WDR7: variants seen among roughly 807,000 people sequenced by gnomAD.
WDR7 encodes the protein WD repeat domain 7.
Under a neutral mutation model 169.4 loss-of-function variants are expected in WDR7, and 46 were observed. The ratio of observed to expected loss-of-function variants is 0.27; its 90% CI spans 0.21 to 0.35. The LOEUF (loss-of-function observed/expected upper bound fraction) is 0.35. WDR7 is among the 10% of genes least tolerant of loss of function. The pLI, the probability that WDR7 is intolerant of heterozygous loss-of-function variation, is 1.00. For synonymous variants in WDR7, 612 were observed against 666.8 expected (o/e 0.92, Z 1.27); for missense variants, 1,534 against 1,859.3 (o/e 0.83, Z 3.22).
At chr18:56,688,670 A>T (rs1458859185) in intron 7 of WDR7, among the ~76,000 whole-genome samples, 1 of 151,812 alleles carries the variant, frequency 6.6e-6, no homozygotes, top group Non-Finnish European at 1.5e-5. Flanking sequence ...CAGAGGTTGC[A>T]GTGAGCCGAG....
intron 25 of WDR7, among the ~76,000 whole-genome samples, chr18:56,959,987 A>T (rs904867795): frequency 6.6e-6 from 1 of 152,154 alleles, no homozygotes; most frequent in Non-Finnish European, 1.5e-5. Context: ...CTGCGTACAT[A>T]CCACTGATTT....
At chr18:56,727,460 A>G (rs1371610798) in intron 13 of WDR7, among the ~76,000 whole-genome samples, 2 of 152,084 alleles carry the variant, frequency 1.3e-5, no homozygotes, top group African/African-American at 4.8e-5. Context: ...ACAGTTCCGC[A>G]TGGTTGGGGA....
intron 20 of WDR7, among the ~76,000 whole-genome samples, chr18:56,843,857 C>CTTTTTTTTTTTTTTT (rs776575088): frequency 3.0e-5 from 4 of 134,328 alleles, no homozygotes; most frequent in Non-Finnish European, 1.6e-5. Flanking sequence ...TTTTTTCTTT[C>CTTTTTTTTTTTTTTT]TTTTTTTTTT....
chr18:56,901,603 C>G (rs2046403014), intron 21 of WDR7, among the ~76,000 whole-genome samples: 1 of 152,176 alleles, frequency 6.6e-6, no homozygotes, highest in South Asian at 2.1e-4. Flanking sequence ...AATTAATGAT[C>G]TGTTAACAAG....
intron 25 of WDR7, among the ~76,000 whole-genome samples, chr18:56,940,405 A>C (rs1363736048): frequency 6.6e-6 from 1 of 152,126 alleles, no homozygotes. Context: ...TTTATTTTGC[A>C]GTTTCTGATT....
chr18:56,895,958 T>G (rs1568253801), intron 21 of WDR7, among the ~76,000 whole-genome samples: 1 of 151,850 alleles, frequency 6.6e-6, no homozygotes, highest in Non-Finnish European at 1.5e-5. Flanking sequence ...ATATATGATT[T>G]ATTTTGTTTT....
chr18:56,781,584 C>G lies in WDR7; in HGVS notation c.3118C>G (p.Gln1040Glu), dbSNP rs1199777035. The stretch of plus-strand genomic sequence containing the variant: ...TCTGGCGGAACTGAGAAGAATTGAG[C>G]AGGCAGGCAGGAAGGAAGCCATTGA... The part of the protein sequence containing the change: ...LLLAELRRIE[Q>E]AGRKEAIDAW... Residue 1040 changes from glutamine to glutamate, a missense_variant, in exon 19 of 28, where the codon CAG becomes GAG. Coordinates refer to ENST00000254442, the MANE Select transcript of WDR7 (RefSeq NM_015285.3). 1 of 1,609,210 alleles carries G rather than the reference C, an allele frequency of 6.2e-7. No homozygotes were observed. The highest frequency in any genetic ancestry group is 8.5e-7 in the Non-Finnish European group (1 of 1,176,460).
chr18:56,980,216 C>G (rs2145827988), intron 26 of WDR7, among the ~76,000 whole-genome samples: 1 of 152,270 alleles, frequency 6.6e-6, no homozygotes, highest in Middle Eastern at 3.4e-3. Context: ...TTTGGGAATT[C>G]TGAGCTATCC....
At chr18:56,812,832 C>A (rs995500049) in intron 19 of WDR7, among the ~76,000 whole-genome samples, 1 of 152,026 alleles carries the variant, frequency 6.6e-6, no homozygotes, top group Non-Finnish European at 1.5e-5. Flanking sequence ...CATTGAGTGC[C>A]GATTTTTCCC....
chr18:56,779,524 G>A lies in WDR7; in HGVS notation c.3041G>A (p.Arg1014Gln), dbSNP rs758629275. ...FRPPLLEMLA[R>Q]RWQDRCLEVR... ...CCTCCCCTTCTGGAGATGCTGGCCC[G>A]AAGATGGCAAGATCGATGCTTGGAG... Residue 1014 changes from arginine (R) to glutamine (Q), a missense_variant, in exon 18 of 28, where the codon CGA becomes CAA. By Grantham distance (43) the Arg-to-Gln change is conservative (BLOSUM62 1). Transcript: ENST00000254442. 1.1e-5 allele frequency: 18 copies of A among 1,613,708 alleles called. No homozygotes were observed. The highest frequency in any genetic ancestry group is 1.0e-4 in the Admixed American group (6 of 59,964).
intron 25 of WDR7, among the ~76,000 whole-genome samples, chr18:56,942,269 TGGCGA>T: frequency 6.6e-6 from 1 of 152,036 alleles, no homozygotes; most frequent in Non-Finnish European, 1.5e-5. Flanking sequence ...TGACACAAAA[TGGCGA>T]GGTGTTCTTT....
At chr18:56,814,737 G>A (rs55662171) in intron 19 of WDR7, among the ~76,000 whole-genome samples, 8,775 of 151,590 alleles carry the variant, frequency 0.058, 322 homozygotes, top group Non-Finnish European at 0.08. Context: ...AAACCCCCAC[G>A]ACGTGCAATT....
intron 12 of WDR7, among the ~76,000 whole-genome samples, chr18:56,710,231 C>T (rs1225948345): frequency 2.0e-5 from 3 of 151,836 alleles, no homozygotes; most frequent in Non-Finnish European, 4.4e-5. Context: ...TCTTGATTTC[C>T]TGACCTTGTG....
chr18:56,831,181 T>A (rs1217343212), intron 20 of WDR7, among the ~76,000 whole-genome samples: 1 of 151,674 alleles, frequency 6.6e-6, no homozygotes, highest in Non-Finnish European at 1.5e-5. Flanking sequence ...TCAGAAAGAG[T>A]CAAATCCTGG....
intron 20 of WDR7, among the ~76,000 whole-genome samples, chr18:56,849,750 TAAAAC>T (rs367809400): frequency 0.011 from 1,625 of 152,202 alleles, 30 homozygotes; most frequent in African/African-American, 0.035. Flanking sequence ...ATAGCTTTTT[TAAAAC>T]AAAACAAAAC....
chr18:56,920,401 T>C (rs2046698547), intron 21 of WDR7, among the ~76,000 whole-genome samples: 1 of 152,248 alleles, frequency 6.6e-6, no homozygotes, highest in Non-Finnish European at 1.5e-5. Context: ...TCCTGTTTCC[T>C]GAATTGTAAT....
intron 19 of WDR7, among the ~76,000 whole-genome samples, chr18:56,796,933 G>T (rs1195457801): frequency 6.6e-6 from 1 of 152,154 alleles, no homozygotes. Context: ...AGAGGAAAAA[G>T]AAATCAAACT....
intron 19 of WDR7, among the ~76,000 whole-genome samples, chr18:56,815,663 G>A (rs1368580107): frequency 1.3e-5 from 2 of 152,150 alleles, no homozygotes; most frequent in Admixed American, 1.3e-4. Context: ...TTAAAAAGAA[G>A]TAAACTTTTA....
At chr18:56,691,480 C>T (rs1239593189) in intron 8 of WDR7, 119 bp downstream of exon 8, 2 of 1,187,296 alleles carry the variant, frequency 1.7e-6, no homozygotes, top group Non-Finnish European at 2.2e-6. Flanking sequence ...TAAAACACTT[C>T]AGAACTTCTT....
Sources: allele counts gnomAD v4.1 joint callset (sites outside exome capture counted in the v4.1 genomes callset), GRCh38; gene constraint gnomAD v4.1.1; transcripts MANE v1.5; gene names NCBI Gene and HGNC (gene_info 2026-07-23, HGNC 2026-07-21).